Variants in NUCB2 observed in about 807,000 individuals in gnomAD.
NUCB2 encodes nucleobindin 2.
A neutral mutation model predicts 57.9 loss-of-function variants in NUCB2; 48 were observed. The observed-to-expected ratio is 0.83, with a 90% CI of 0.66 to 1.05. The LOEUF (loss-of-function observed/expected upper bound fraction) is 1.05, where lower values mean the gene tolerates loss of function less well. Among genes scored for constraint, NUCB2 ranks in the 50% least tolerant of loss-of-function variants. The pLI is 0.00. For synonymous variants in NUCB2, 139 were observed against 152.1 expected, an observed-to-expected ratio of 0.91 and a Z score of 0.64; for missense variants, 442 against 476.2, an observed-to-expected ratio of 0.93 and a Z score of 0.67.
chr11:17,323,264 A>C (rs1018040563), intron 11 of NUCB2, among the ~76,000 whole-genome samples: 1 of 152,026 alleles, frequency 6.6e-6, no homozygotes, highest in Admixed American at 6.6e-5. Context: ...TTCTATACCC[A>C]TTTTTTGAGG....
chr11:17,285,018 CATA>C (rs1943387802), intron 2 of NUCB2, among the ~76,000 whole-genome samples: 2 of 37,632 alleles, frequency 5.3e-5, no homozygotes, highest in African/African-American at 3.4e-4. Context: ...AGTCTCAATA[CATA>C]CATACATACA....
chr11:17,326,436 C>T (rs1478974757), intron 11 of NUCB2, among the ~76,000 whole-genome samples: 1 of 151,044 alleles, frequency 6.6e-6, no homozygotes, highest in East Asian at 1.9e-4. Context: ...TCCTGCCTCC[C>T]CCTCCCGAGT....
intron 1 of NUCB2, among the ~76,000 whole-genome samples, chr11:17,282,008 G>A (rs943379956): frequency 1.3e-5 from 2 of 151,276 alleles, no homozygotes; most frequent in Admixed American, 6.6e-5. Flanking sequence ...GACAAACTAG[G>A]AACAAAGTTA....
Position 17,326,219 on chromosome 11 carries a change from C to T in NUCB2, c.1003-3908C>T, listed in dbSNP as rs545209434. Among the ~76,000 whole-genome samples the T allele has an allele frequency of 7.3e-5, 11 of 151,346 alleles. No individual in the cohort carries two copies. The East Asian group carries it at 9.7e-4, about 13-fold the overall frequency. On this transcript the variant is annotated intron_variant, in intron 11 of 13. Transcript: ENST00000529010. Reference sequence around the variant, plus strand: ...TTCTCCATGTTGGTCAGGCTGGTCTCGAACTCCCAACCTAAGGTGATCTGC... The same window carrying T: ...TTCTCCATGTTGGTCAGGCTGGTCTTGAACTCCCAACCTAAGGTGATCTGC...
At position 17,311,266 on chromosome 11, in the gene NUCB2, C is replaced by A. The variant is rs780685083; in HGVS notation, c.743C>A (p.Thr248Lys). The A allele has an allele frequency of 1.2e-6, 2 of 1,604,586 alleles. No individual in the cohort carries two copies. Among genetic ancestry groups the A allele is most frequent in the Non-Finnish European group, 1.7e-6 (2 of 1,174,116 alleles). ...GLDPNDFDPK[T>K]FFKLHDVNSD... ...GATCCTAATGACTTTGACCCCAAGA[C>A]ATTTTTCAAATTACATGGTAACGAT... is the stretch of plus-strand genomic sequence containing the variant. Residue 248 changes from threonine to lysine, a missense_variant, in exon 8 of 14, where the codon ACA (threonine) becomes AAA (lysine). Transcript: ENST00000529010.
intron 5 of NUCB2, among the ~76,000 whole-genome samples, chr11:17,305,831 C>T (rs1462074141): frequency 6.6e-6 from 1 of 151,908 alleles, no homozygotes; most frequent in African/African-American, 2.4e-5. Flanking sequence ...CTGTGTTCCC[C>T]AGGCTGGTTT....
intron 2 of NUCB2, among the ~76,000 whole-genome samples, chr11:17,348,214 G>A (rs4451707): frequency 0.78 from 119,124 of 151,882 alleles, 47,062 homozygotes; most frequent in East Asian, 0.88. Flanking sequence ...CCCAAAGTGG[G>A]TGAGCCACCA....
chr11:17,299,418 G>A (rs1422914540), intron 4 of NUCB2, among the ~76,000 whole-genome samples: 1 of 151,928 alleles, frequency 6.6e-6, no homozygotes, highest in African/African-American at 2.4e-5. Context: ...TTTTGATTCT[G>A]TAACAGTATA....
chr11:17,296,308 C>T, intron 4 of NUCB2, 97 bp downstream of exon 4: 1 of 571,812 alleles, frequency 1.7e-6, no homozygotes, highest in Non-Finnish European at 2.9e-6. Context: ...GCCTTGAGCT[C>T]CTGGGCTCTA....
chr11:17,321,932 G>T (rs1413656924), intron 11 of NUCB2, among the ~76,000 whole-genome samples: 1 of 151,876 alleles, frequency 6.6e-6, no homozygotes, highest in Non-Finnish European at 1.5e-5. Flanking sequence ...GACCATTTTT[G>T]TCAGATTATT....
intron 4 of NUCB2, among the ~76,000 whole-genome samples, chr11:17,299,379 A>G (rs1413329437): frequency 1.3e-5 from 2 of 152,164 alleles, no homozygotes; most frequent in Non-Finnish European, 2.9e-5. Flanking sequence ...AATAATAATG[A>G]CTATTCTCTC....
chr11:17,342,860 G>T (rs1952392314), intron 2 of NUCB2, among the ~76,000 whole-genome samples: 1 of 152,074 alleles, frequency 6.6e-6, no homozygotes, highest in African/African-American at 2.4e-5. Flanking sequence ...TCAATTCCTG[G>T]ATATCCCTGT....
rs1010318659 is a variant in NUCB2 at position 17,343,975 on chromosome 11, A to G, written n.2627-5370A>G. ...CAAGGTTGATTTTTTGGGGAAAAGA[A>G]AAAGCACCTTTGCAGAAAAGTCAGT... On this transcript the variant is annotated intron_variant and non_coding_transcript_variant, in intron 2 of 2. Transcript: ENST00000532240. 4.6e-5 allele frequency among the ~76,000 whole-genome samples: 7 copies of G among 152,338 alleles called. No individual in the cohort carries two copies. In the East Asian group the frequency reaches 1.3e-3, roughly 29 times the overall value.
intron 2 of NUCB2, among the ~76,000 whole-genome samples, chr11:17,284,515 CAGTA>C (rs1308100261): frequency 1.3e-5 from 2 of 152,148 alleles, no homozygotes; most frequent in African/African-American, 2.4e-5. Flanking sequence ...AGAAGGGAGA[CAGTA>C]AGTTAAGATT....
intron 11 of NUCB2, among the ~76,000 whole-genome samples, chr11:17,327,461 G>T (rs1167564842): frequency 6.6e-6 from 1 of 152,054 alleles, no homozygotes; most frequent in Non-Finnish European, 1.5e-5. Flanking sequence ...TAACCTTTTT[G>T]CACTTGAATG....
chr11:17,335,818 T>G (rs1228901821), downstream of NUCB2, among the ~76,000 whole-genome samples: 1 of 151,848 alleles, frequency 6.6e-6, no homozygotes, highest in South Asian at 2.1e-4. Flanking sequence ...CTAAGAAAGT[T>G]GCAAACAGTA....
At position 17,301,785 on chromosome 11, in the gene NUCB2, T is replaced by C. The variant is rs1446206838; in HGVS notation, c.294T>C (p.His98=). ...AAGAACTGGATTTAGTAAGTCACCA[T>C]GTGAGGACAAAACTTGATGAACTGA... is the stretch of plus-strand genomic sequence containing the variant. The part of the protein sequence containing the change: ...LSKELDLVSH[H]VRTKLDELKR... The change falls in exon 5 of 14, where the codon CAT becomes CAC. Residue 98 remains histidine, a synonymous_variant. Transcript: ENST00000529010. 1.7e-5 allele frequency: 28 copies of C among 1,610,122 alleles called. No individual in the cohort carries two copies. The highest frequency in any genetic ancestry group is 2.3e-5 in the Non-Finnish European group (27 of 1,176,482).
chr11:17,285,304 G>A (rs1211291930), intron 2 of NUCB2, among the ~76,000 whole-genome samples: 1 of 152,126 alleles, frequency 6.6e-6, no homozygotes, highest in East Asian at 1.9e-4. Context: ...GCTGGGTGAG[G>A]TGGCTCACGC....
chr11:17,289,650 A>G (rs942256658), intron 2 of NUCB2, among the ~76,000 whole-genome samples: 3 of 152,172 alleles, frequency 2.0e-5, no homozygotes, highest in Admixed American at 6.5e-5. Flanking sequence ...TTAATATAAC[A>G]TCTTGGGGGA....
Sources: allele counts gnomAD v4.1 joint callset (sites outside exome capture counted in the v4.1 genomes callset), GRCh38; gene constraint gnomAD v4.1.1; transcripts MANE v1.5; gene names NCBI Gene and HGNC (gene_info 2026-07-23, HGNC 2026-07-21).